HECTD2: variants seen among roughly 807,000 people sequenced by gnomAD.
The protein encoded by HECTD2 is HECT domain E3 ubiquitin protein ligase 2.
Under a neutral mutation model 103.2 loss-of-function variants are expected in HECTD2, and 35 were observed. That is an observed-to-expected ratio of 0.34 (90% CI 0.26 to 0.45). The LOEUF (loss-of-function observed/expected upper bound fraction) is 0.45. Ranked by LOEUF, HECTD2 falls within the 20% of genes least tolerant of loss-of-function variation. HECTD2 has a pLI of 1.00. For missense variants in HECTD2, 596 were observed against 937.4 expected, an observed-to-expected ratio of 0.64 and a Z score of 4.76; for synonymous variants, 281 against 329.9, an observed-to-expected ratio of 0.85 and a Z score of 1.61.
intron 2 of HECTD2, among the ~76,000 whole-genome samples, chr10:91,429,251 T>C (rs142897056): frequency 0.014 from 2,165 of 152,230 alleles, 47 homozygotes; most frequent in African/African-American, 0.049. Context: ...GTGGAGAAGC[T>C]TTTTGATGTG....
chr10:91,478,908 C>A (rs962674457), intron 6 of HECTD2, among the ~76,000 whole-genome samples: 1 of 151,938 alleles, frequency 6.6e-6, no homozygotes, highest in African/African-American at 2.4e-5. Flanking sequence ...TGTAATGTTA[C>A]ATGTACCATA....
At chr10:91,481,263 T>C (rs1846078013) in intron 7 of HECTD2, 124 bp downstream of exon 7, 1 of 449,724 alleles carries the variant, frequency 2.2e-6, no homozygotes, top group African/African-American at 2.1e-5. Flanking sequence ...TTTAGAATTA[T>C]AGTTACCTGT....
intron 14 of HECTD2, among the ~76,000 whole-genome samples, chr10:91,495,557 C>T (rs1406196088): frequency 2.6e-5 from 4 of 151,906 alleles, no homozygotes; most frequent in Non-Finnish European, 5.9e-5. Flanking sequence ...GATCTAAAAC[C>T]TCTCTTTCCA....
chr10:91,412,660 G>C (rs1842969368), intron 1 of HECTD2, among the ~76,000 whole-genome samples: 1 of 108,828 alleles, frequency 9.2e-6, no homozygotes. Flanking sequence ...GACAGGATCT[G>C]TGGCAGAATG....
chr10:91,419,772 C>T (rs1220026863), intron 1 of HECTD2, among the ~76,000 whole-genome samples: 1 of 152,092 alleles, frequency 6.6e-6, no homozygotes, highest in African/African-American at 2.4e-5. Flanking sequence ...CAATCTGGAA[C>T]AGCTGGTTGA....
Position 91,500,615 on chromosome 10 carries a change from A to T in HECTD2, c.2064A>T (p.Ile688=). The change falls in exon 19 of 21, where the codon ATA becomes ATT. Residue 688 remains isoleucine, a splice_region_variant and synonymous_variant. Transcript: ENST00000298068. ...YDGYAKTDLT[I]KYFWDVVLGF... ...GCTATGCAAAAACGGACTTAACTAT[A>T]AAGTGAGCTCTTTATACTTCTGATA... 6.8e-7 allele frequency: 1 copy of T among 1,459,884 alleles called. No individual in the cohort carries two copies. The highest frequency in any genetic ancestry group is 9.6e-7 in the Non-Finnish European group (1 of 1,039,842). The allele number at this position is 1,459,884 out of a possible 1,614,324, so 90.4% of individuals were successfully genotyped here. A position where few individuals can be genotyped will look rare whatever the true frequency, so the allele number is the denominator to read the frequency against.
Position 91,513,320 on chromosome 10 carries a change from T to A in HECTD2, c.*936T>A, listed in dbSNP as rs1847489620. 1 of 152,596 alleles carries A rather than the reference T, an allele frequency of 6.6e-6. No individual in the cohort carries two copies. Among genetic ancestry groups the A allele is most frequent in the South Asian group, 2.1e-4 (1 of 4,838 alleles). 9.5% of individuals were successfully genotyped at this position (152,596 alleles called of 1,614,324 possible). A position where few individuals can be genotyped will look rare whatever the true frequency, so the allele number is the denominator to read the frequency against. ...ATCATGTACAAGACTTATATCTACA[T>A]TTTTTGATCACCAGTTGTACCAAAA... On this transcript the variant is annotated 3_prime_UTR_variant, in exon 21 of 21. Transcript: ENST00000298068.
intron 20 of HECTD2, among the ~76,000 whole-genome samples, chr10:91,511,736 A>G (rs1847430646): frequency 6.6e-6 from 1 of 152,212 alleles, no homozygotes; most frequent in South Asian, 2.1e-4. Flanking sequence ...GGCAGAGCTC[A>G]GGCAGTAATG....
rs537914972 is a variant in HECTD2 at position 91,471,021 on chromosome 10, C to A, written c.601-7180C>A. 7.3e-5 allele frequency among the ~76,000 whole-genome samples: 11 copies of A among 150,990 alleles called. No homozygotes were observed. The East Asian group carries it at 1.7e-3, about 24-fold the overall frequency. ...ACACACAGACACACACGCACACACACAAAGAAAACCTCAGGCCAATATTCC... is the reference window on the plus strand; with the variant it reads ...ACACACAGACACACACGCACACACAAAAAGAAAACCTCAGGCCAATATTCC... On this transcript the variant is annotated intron_variant, in intron 5 of 20. Transcript: ENST00000298068.
At chr10:91,482,066 T>C (rs11186580) in intron 7 of HECTD2, among the ~76,000 whole-genome samples, 30,465 of 151,506 alleles carry the variant, frequency 0.2, 7,271 homozygotes, top group African/African-American at 0.58. Flanking sequence ...TATGTAGAGA[T>C]AGTAAAAGCT....
intron 2 of HECTD2, among the ~76,000 whole-genome samples, chr10:91,450,221 C>T (rs749085880): frequency 6.6e-6 from 1 of 152,120 alleles, no homozygotes; most frequent in Non-Finnish European, 1.5e-5. Context: ...AATAATGCCA[C>T]ACATCTACAG....
At chr10:91,478,580 A>C (rs1357394138) in intron 6 of HECTD2, among the ~76,000 whole-genome samples, 5 of 152,190 alleles carry the variant, frequency 3.3e-5, no homozygotes, top group Admixed American at 3.3e-4. Flanking sequence ...CCTAACTGAA[A>C]TAATGAGCAT....
intron 2 of HECTD2, among the ~76,000 whole-genome samples, chr10:91,455,269 G>A (rs1032152570): frequency 2.0e-5 from 3 of 152,050 alleles, no homozygotes; most frequent in Admixed American, 2.0e-4. Context: ...ATTCTAACTG[G>A]GTGTGAGATG....
chr10:91,512,015 T>C (rs1030836492), intron 20 of HECTD2, among the ~76,000 whole-genome samples: 5 of 152,194 alleles, frequency 3.3e-5, no homozygotes, highest in African/African-American at 1.2e-4. Flanking sequence ...AAAATGCTTC[T>C]TAAATGAGTT....
At chr10:91,485,536 G>C (rs577331275) in intron 10 of HECTD2, 2 of 371,892 alleles carry the variant, frequency 5.4e-6, no homozygotes, top group East Asian at 1.3e-4. Flanking sequence ...TTTTCAAGAA[G>C]GGAGAGGTTC....
At chr10:91,451,192 T>C (rs1336407526) in intron 2 of HECTD2, among the ~76,000 whole-genome samples, 1 of 152,076 alleles carries the variant, frequency 6.6e-6, no homozygotes, top group Non-Finnish European at 1.5e-5. Flanking sequence ...TATGCAGCCA[T>C]AAAGAAGGAT....
chr10:91,438,441 A>G (rs1844232478), intron 2 of HECTD2, among the ~76,000 whole-genome samples: 1 of 152,128 alleles, frequency 6.6e-6, no homozygotes, highest in Non-Finnish European at 1.5e-5. Flanking sequence ...ATAGTATTCC[A>G]TGGTGCATAT....
chr10:91,441,906 T>TTTTTTTTTTTTG (rs1844406966), intron 2 of HECTD2, among the ~76,000 whole-genome samples: 2 of 127,038 alleles, frequency 1.6e-5, no homozygotes, highest in Non-Finnish European at 3.1e-5. Context: ...TTTTTTTTTT[T>TTTTTTTTTTTTG]TCTTTTTTTT....
At position 91,487,556 on chromosome 10, in the gene HECTD2, G is replaced by A. The variant is rs779792832; in HGVS notation, c.1095-126G>A. On this transcript the variant is annotated intron_variant, in intron 10 of 20. Transcript: ENST00000298068. The surrounding 1 kb of genome is among the most constrained non-coding windows in gnomAD (Gnocchi z 4.1). ...GAAATTATACACATACAATCATTTT[G>A]TATATGGTAAAACACAATCCAAAAG... is the stretch of plus-strand genomic sequence containing the variant. 1.8e-5 allele frequency: 13 copies of A among 728,010 alleles called. No homozygotes were observed. Among genetic ancestry groups the A allele is most frequent in the South Asian group, 1.2e-4 (8 of 69,258 alleles). 45.1% of individuals were successfully genotyped at this position (728,010 alleles called of 1,614,324 possible). A position where few individuals can be genotyped will look rare whatever the true frequency, so the allele number is the denominator to read the frequency against.
Sources: allele counts gnomAD v4.1 joint callset (sites outside exome capture counted in the v4.1 genomes callset), GRCh38; gene constraint gnomAD v4.1.1; non-coding constraint Gnocchi (gnomAD v3.1); transcripts MANE v1.5; gene names NCBI Gene and HGNC (gene_info 2026-07-23, HGNC 2026-07-21).